Variants in CNOT9 observed in about 807,000 individuals in gnomAD.
CNOT9 encodes the protein RCD1 required for cell differentiation1 homolog.
A neutral mutation model predicts 37.4 loss-of-function variants in CNOT9; 8 were observed. The ratio of observed to expected loss-of-function variants is 0.21; its 90% confidence interval spans 0.13 to 0.39. The LOEUF (loss-of-function observed/expected upper bound fraction) is 0.39, where lower values mean the gene tolerates loss of function less well. Ranked by LOEUF, CNOT9 falls within the 10% of genes least tolerant of loss-of-function variation. The probability of loss-of-function intolerance (pLI) is 1.00; values close to 1 mark genes in which losing one functional copy is unlikely to be tolerated. For missense variants in CNOT9, 154 were observed against 365.3 expected, an observed-to-expected ratio of 0.42 and a Z score of 4.71; for synonymous variants, 120 against 137.6, an observed-to-expected ratio of 0.87 and a Z score of 0.90.
chr2:218,579,247 T>C (rs1322764190), intron 1 of CNOT9, among the ~76,000 whole-genome samples: 1 of 152,250 alleles, frequency 6.6e-6, no homozygotes, highest in East Asian at 1.9e-4. Context: ...GTTCTTTATG[T>C]GTCCTTCTAG....
chr2:218,572,832 A>T (rs546513721), intron 1 of CNOT9: 1 of 319,902 alleles, frequency 3.1e-6, no homozygotes, highest in Non-Finnish European at 4.5e-6. Context: ...CAGCAGCATC[A>T]TTAGTTATTT....
intron 1 of CNOT9, among the ~76,000 whole-genome samples, chr2:218,575,612 C>G (rs905883010): frequency 3.9e-5 from 6 of 152,004 alleles, no homozygotes; most frequent in African/African-American, 1.2e-4. Context: ...ACCATGTTAG[C>G]CAGGATGGTC....
At chr2:218,576,266 T>C (rs1004954387) in intron 1 of CNOT9, among the ~76,000 whole-genome samples, 1 of 152,212 alleles carries the variant, frequency 6.6e-6, no homozygotes, top group Non-Finnish European at 1.5e-5. Context: ...CCAAAATATT[T>C]TATCAATCAT....
At position 218,593,488 on chromosome 2, in the gene CNOT9, T is replaced by G. The variant is rs1046245469; in HGVS notation, c.732-620T>G. ...TGAGTGCAAAAACTATAACTTTGTT[T>G]AAAATAGCTCTACACATAGTTAACA... On this transcript the variant is annotated intron_variant, in intron 7 of 7. Coordinates refer to ENST00000273064, the MANE Select transcript of CNOT9 (RefSeq NM_005444.3). 6 of 1,273,388 alleles carry G rather than the reference T, an allele frequency of 4.7e-6. No homozygotes were observed. The African/African-American group carries it at 9.0e-5, about 19-fold the overall frequency. 78.9% of individuals were successfully genotyped at this position (1,273,388 alleles called of 1,614,324 possible). A position where few individuals can be genotyped will look rare whatever the true frequency, so the allele number is the denominator to read the frequency against.
intron 1 of CNOT9, among the ~76,000 whole-genome samples, chr2:218,576,542 T>G (rs1004281338): frequency 1.8e-4 from 27 of 152,352 alleles, no homozygotes; most frequent in Non-Finnish European, 1.5e-5. Flanking sequence ...TCTCCTAACA[T>G]CAATGCTACT....
Position 218,596,343 on chromosome 2 carries a change from A to G in CNOT9, c.*2067A>G, listed in dbSNP as rs569824191. 1 of 152,326 alleles carries G rather than the reference A, an allele frequency of 6.6e-6. No individual in the cohort carries two copies. The highest frequency in any genetic ancestry group is 2.4e-5 in the African/African-American group (1 of 41,574). The allele number at this position is 152,326 out of a possible 1,614,324, so 9.4% of individuals were successfully genotyped here. ...TAGTTGATCCTGGTGTGTGTATTAT[A>G]TAAAGAGACCCCTCCCCTTATTTTG... is the stretch of plus-strand genomic sequence containing the variant. On this transcript the variant is annotated 3_prime_UTR_variant, in exon 8 of 8. Coordinates refer to ENST00000273064, the MANE Select transcript of CNOT9 (RefSeq NM_005444.3).
chr2:218,585,724 A>G (rs1381965142), intron 4 of CNOT9, among the ~76,000 whole-genome samples: 2 of 150,658 alleles, frequency 1.3e-5, no homozygotes, highest in East Asian at 3.9e-4. Context: ...CTGCACCCTC[A>G]AACTCCTGGG....
chr2:218,580,604 A>G lies in CNOT9; in HGVS notation c.68A>G (p.Tyr23Cys), dbSNP rs1694341886. ...GCACAAGTGGATAGAGAAAAGATCT[A>G]TCAGTGGATCAATGAGCTGTCCAGT... The part of the protein sequence containing the change: ...TLAQVDREKI[Y>C]QWINELSSPE... Residue 23 changes from tyrosine (Y) to cysteine (C), a missense_variant, in exon 2 of 8, where the codon TAT (tyrosine) becomes TGT (cysteine). Around this residue, in one of 2 missense-constraint regions of CNOT9, gnomAD observed 37 missense variants for 39.9 expected, o/e 0.93. Transcript: ENST00000273064. 1 of 1,613,964 alleles carries G rather than the reference A, an allele frequency of 6.2e-7. No individual in the cohort carries two copies. Among genetic ancestry groups the G allele is most frequent in the Non-Finnish European group, 8.5e-7 (1 of 1,179,854 alleles).
At position 218,592,914 on chromosome 2, in the gene CNOT9, C is replaced by G; in HGVS notation, c.731+207C>G. 1 of 567,468 alleles carries G rather than the reference C, an allele frequency of 1.8e-6. No individual in the cohort carries two copies. The allele number at this position is 567,468 out of a possible 1,614,324, so 35.2% of individuals were successfully genotyped here. A position where few individuals can be genotyped will look rare whatever the true frequency, so the allele number is the denominator to read the frequency against. On this transcript the variant is annotated intron_variant, in intron 7 of 7. Coordinates refer to ENST00000273064, the MANE Select transcript of CNOT9 (RefSeq NM_005444.3). The surrounding 1 kb of genome is among the most constrained non-coding windows in gnomAD (Gnocchi z 4.1). ...GTTTCATCTTCTCACTGTAACTCTC[C>G]ATCCTACTGTGAAATTCCAGAGAGT...
intron 1 of CNOT9, chr2:218,572,662 G>A (rs1193871824): frequency 1.0e-6 from 1 of 985,042 alleles, no homozygotes; most frequent in Non-Finnish European, 1.2e-6. Context: ...ATCTTTGCAT[G>A]CCATAGGTAT....
intron 7 of CNOT9, 76 bp from the exon 8 acceptor site, chr2:218,594,032 A>G: frequency 7.2e-7 from 1 of 1,382,992 alleles, no homozygotes; most frequent in Non-Finnish European, 1.0e-6. Flanking sequence ...ATGTCTAAGA[A>G]GGGGGCTCTT....
intron 1 of CNOT9, among the ~76,000 whole-genome samples, chr2:218,575,037 C>T (rs1235408504): frequency 1.3e-5 from 2 of 152,054 alleles, no homozygotes; most frequent in African/African-American, 4.8e-5. Context: ...TTGCCTGAGA[C>T]TGACAATTAT....
chr2:218,587,548 A>G (rs980502960), intron 4 of CNOT9, 38 bp from the exon 5 acceptor site: 1 of 1,532,220 alleles, frequency 6.5e-7, no homozygotes, highest in Non-Finnish European at 8.8e-7. Context: ...TGGAAACCCT[A>G]ACTGTAAAAT....
At chr2:218,590,173 T>C (rs1694726539) in intron 5 of CNOT9, among the ~76,000 whole-genome samples, 1 of 152,090 alleles carries the variant, frequency 6.6e-6, no homozygotes. Flanking sequence ...GTTCAAGCAA[T>C]TCTCATGCCT....
intron 5 of CNOT9, among the ~76,000 whole-genome samples, chr2:218,591,486 G>GT (rs1694773972): frequency 6.6e-6 from 1 of 152,158 alleles, no homozygotes; most frequent in African/African-American, 2.4e-5. Context: ...GCTCACGCTT[G>GT]TAATCCCAGC....
chr2:218,580,464 A>C, intron 1 of CNOT9, 97 bp from the exon 2 acceptor site: 49 of 964,528 alleles, frequency 5.1e-5, no homozygotes, highest in Non-Finnish European at 7.0e-5. Context: ...CTCCCCTGGT[A>C]TTCATGAAAA....
intron 1 of CNOT9, among the ~76,000 whole-genome samples, chr2:218,570,440 C>G (rs1192930743): frequency 1.3e-5 from 2 of 152,176 alleles, no homozygotes; most frequent in Non-Finnish European, 2.9e-5. Flanking sequence ...TCTCTGCCTC[C>G]TTTCATACTG....
At chr2:218,573,945 A>G in intron 1 of CNOT9, 1 of 389,328 alleles carries the variant, frequency 2.6e-6, no homozygotes, top group South Asian at 1.9e-5. Flanking sequence ...TATTAAAAGA[A>G]CAGGACTGTT....
intron 1 of CNOT9, 69 bp from the exon 2 acceptor site, chr2:218,580,492 C>A: frequency 7.5e-7 from 1 of 1,332,070 alleles, no homozygotes; most frequent in Non-Finnish European, 1.0e-6. Context: ...TCCTCTAAAA[C>A]TCTGTTGCAG....
Sources: allele counts gnomAD v4.1 joint callset (sites outside exome capture counted in the v4.1 genomes callset), GRCh38; gene constraint gnomAD v4.1.1; regional missense constraint gnomAD v4.1.1; non-coding constraint Gnocchi (gnomAD v3.1); transcripts MANE v1.5; gene names NCBI Gene and HGNC (gene_info 2026-07-23, HGNC 2026-07-21).